Variants in KCTD1 observed in about 807,000 individuals in gnomAD.
The protein encoded by KCTD1 is BTB/POZ domain-containing protein KCTD1.
KCTD1 carries 24 observed loss-of-function variants against 66.0 expected under a neutral mutation model. The observed-to-expected ratio is 0.36, with a 90% CI of 0.26 to 0.51. The LOEUF is 0.51. Among genes scored for constraint, KCTD1 ranks in the 20% least tolerant of loss-of-function variants. KCTD1 has a pLI of 0.95. For synonymous variants in KCTD1, 511 were observed against 517.2 expected (o/e 0.99, Z 0.16); for missense variants, 943 against 1,205.2 (o/e 0.78, Z 3.22).
intron 1 of KCTD1, among the ~76,000 whole-genome samples, chr18:26,522,074 G>A (rs929453524): frequency 6.6e-6 from 1 of 152,100 alleles, no homozygotes; most frequent in Non-Finnish European, 1.5e-5. Context: ...GTTCTTCCAG[G>A]GACTGACAGA....
intron 1 of KCTD1, among the ~76,000 whole-genome samples, chr18:26,603,269 G>T (rs557399058): frequency 3.3e-5 from 5 of 151,532 alleles, no homozygotes; most frequent in African/African-American, 1.2e-4. Context: ...GTCTGTACTA[G>T]AAATACAAAA....
At chr18:26,553,525 A>T (rs996260163), upstream of KCTD1, among the ~76,000 whole-genome samples, 15 of 152,122 alleles carry the variant, frequency 9.9e-5, no homozygotes, top group African/African-American at 3.1e-4. Context: ...ACTTCAACAA[A>T]AGGCTGTATA....
At chr18:26,639,997 A>G (rs1987802434) in intron 1 of KCTD1, among the ~76,000 whole-genome samples, 1 of 152,200 alleles carries the variant, frequency 6.6e-6, no homozygotes, top group Admixed American at 6.5e-5. Flanking sequence ...TTTTGGTAAT[A>G]GCAGGAAGGA....
upstream of KCTD1, chr18:26,657,430 C>A: frequency 1.0e-6 from 1 of 980,368 alleles, no homozygotes; most frequent in Non-Finnish European, 1.2e-6. Flanking sequence ...TTTCCGATTT[C>A]TCTCCCAGCG....
intron 2 of KCTD1, among the ~76,000 whole-genome samples, chr18:26,494,863 G>A (rs16942367): frequency 0.022 from 3,376 of 151,618 alleles, 108 homozygotes; most frequent in African/African-American, 0.078. Context: ...CATTTTATGC[G>A]TTTCCTTAAG....
chr18:26,592,248 T>C (rs7236244), intron 1 of KCTD1, among the ~76,000 whole-genome samples: 4,867 of 152,338 alleles, frequency 0.032, 131 homozygotes, highest in African/African-American at 0.08. Flanking sequence ...AAACAGTTTT[T>C]TTCTTTACCA....
At chr18:26,549,403 C>T (rs1199403634), upstream of KCTD1, 1 of 985,428 alleles carries the variant, frequency 1.0e-6, no homozygotes, top group African/African-American at 1.7e-5. Flanking sequence ...GGGGCGCTCC[C>T]CGTAGGTCTG....
At chr18:26,477,427 C>G (rs1981407623) in intron 2 of KCTD1, among the ~76,000 whole-genome samples, 1 of 152,078 alleles carries the variant, frequency 6.6e-6, no homozygotes, top group Non-Finnish European at 1.5e-5. Context: ...ATCATTTATC[C>G]CACTAATAAA....
chr18:26,602,760 A>G (rs1290673199), intron 1 of KCTD1, among the ~76,000 whole-genome samples: 1 of 152,222 alleles, frequency 6.6e-6, no homozygotes, highest in Non-Finnish European at 1.5e-5. Flanking sequence ...CATAAACTTA[A>G]GTTCTCCTTC....
At chr18:26,607,013 G>A (rs1036965233) in intron 1 of KCTD1, among the ~76,000 whole-genome samples, 26 of 152,012 alleles carry the variant, frequency 1.7e-4, no homozygotes, top group African/African-American at 6.0e-4. Flanking sequence ...GTCCCTACCT[G>A]GGCAGATCTA....
chr18:26,593,445 AAGGAGGATGAGGAGGAAG>A (rs1986670623), intron 1 of KCTD1, among the ~76,000 whole-genome samples: 1 of 112,102 alleles, frequency 8.9e-6, no homozygotes, highest in Non-Finnish European at 1.8e-5. Context: ...GGAGGAAGAC[AAGGAGGATGAGGAGGAAG>A]ACAAGGAGAA....
chr18:26,516,473 G>A (rs1392216097), intron 1 of KCTD1, among the ~76,000 whole-genome samples: 1 of 152,160 alleles, frequency 6.6e-6, no homozygotes, highest in Non-Finnish European at 1.5e-5. Flanking sequence ...TCTCTGTAGG[G>A]CTTCCTTCTG....
chr18:26,459,187 GGC>G (rs1262632505), intron 4 of KCTD1: 2 of 157,840 alleles, frequency 1.3e-5, no homozygotes, highest in Non-Finnish European at 2.8e-5. Flanking sequence ...CCACCTCCTG[GGC>G]AATATATTTA....
chr18:26,459,513 G>T, intron 4 of KCTD1, 107 bp downstream of exon 4: 1 of 1,058,842 alleles, frequency 9.4e-7, no homozygotes, highest in Non-Finnish European at 1.4e-6. Flanking sequence ...AAGTGTCACT[G>T]AGTGAGTTTC....
At chr18:26,572,745 G>T (rs1986137828) in intron 1 of KCTD1, among the ~76,000 whole-genome samples, 1 of 152,144 alleles carries the variant, frequency 6.6e-6, no homozygotes, top group South Asian at 2.1e-4. Flanking sequence ...TAAACCCTGA[G>T]ATACTAAATA....
chr18:26,526,415 C>A (rs1984163069), intron 1 of KCTD1, among the ~76,000 whole-genome samples: 1 of 152,176 alleles, frequency 6.6e-6, no homozygotes, highest in East Asian at 1.9e-4. Flanking sequence ...CCCTGCAGAG[C>A]TGCAGGATTA....
At chr18:26,515,509 C>CTTTTTTTT (rs11389627) in intron 1 of KCTD1, among the ~76,000 whole-genome samples, 3 of 133,124 alleles carry the variant, frequency 2.3e-5, no homozygotes, top group South Asian at 2.5e-4. Flanking sequence ...CCTCTTTTTT[C>CTTTTTTTT]TTTTTTTTTT....
At chr18:26,477,243 A>G (rs962217694) in intron 2 of KCTD1, among the ~76,000 whole-genome samples, 3 of 152,184 alleles carry the variant, frequency 2.0e-5, no homozygotes, top group Admixed American at 1.3e-4. Context: ...TCAGCGCAAA[A>G]AGCATTTTTA....
At chr18:26,657,253 C>A in intron 1 of KCTD1, 4 of 859,450 alleles carry the variant, frequency 4.7e-6, no homozygotes, top group Non-Finnish European at 5.6e-6. Flanking sequence ...GCGAGTGTGC[C>A]GCGCTCTCGC....
Sources: gnomAD v4.1 joint callset for allele counts (sites outside exome capture counted in the v4.1 genomes callset) on GRCh38, gnomAD v4.1.1 for gene constraint, MANE v1.5 for transcripts, NCBI Gene and HGNC (gene_info 2026-07-23, HGNC 2026-07-21) for gene names.